Variants in ITGA1 observed in about 807,000 individuals in gnomAD.
ITGA1 encodes integrin alpha-1.
ITGA1 carries 85 observed loss-of-function variants against 145.9 expected under a neutral mutation model. The observed-to-expected ratio is 0.58, with a 90% CI of 0.49 to 0.70. ITGA1 has a LOEUF of 0.70. Among genes scored for constraint, ITGA1 ranks in the 30% least tolerant of loss-of-function variants. The pLI is 0.00. For synonymous variants in ITGA1, 520 were observed against 495.3 expected (o/e 1.05, Z -0.66); for missense variants, 1,351 against 1,418.7 (o/e 0.95, Z 0.77).
At chr5:52,910,025 C>G in intron 13 of ITGA1, 137 bp from the exon 14 acceptor site, 3 of 818,222 alleles carry the variant, frequency 3.7e-6, no homozygotes, top group Non-Finnish European at 5.8e-6. Context: ...GATAGGCACA[C>G]TTTTTAAGAA....
At chr5:52,797,977 A>G (rs1580024620) in intron 1 of ITGA1, among the ~76,000 whole-genome samples, 1 of 152,356 alleles carries the variant, frequency 6.6e-6, no homozygotes, top group Admixed American at 6.5e-5. Context: ...GTACTTAGAA[A>G]GATGATCAAG....
chr5:52,922,931 A>G lies in ITGA1; in HGVS notation c.2403+44A>G, dbSNP rs1174308962. ...AAATACAAAATACCAACTTGTGAAC[A>G]TTTTAATGTCACTAGTAAACTGTGT... On this transcript the variant is annotated intron_variant, in intron 18 of 28. Transcript: ENST00000282588. 2.7e-6 allele frequency: 3 copies of G among 1,115,542 alleles called. No individual in the cohort carries two copies. The African/African-American group carries it at 4.6e-5, about 17-fold the overall frequency. The allele number at this position is 1,115,542 out of a possible 1,614,324, so 69.1% of individuals were successfully genotyped here.
intron 28 of ITGA1, among the ~76,000 whole-genome samples, chr5:52,949,826 A>T (rs1751191524): frequency 6.6e-6 from 1 of 152,202 alleles, no homozygotes; most frequent in African/African-American, 2.4e-5. Flanking sequence ...CAGTTGCAGT[A>T]GGTTCAGAAG....
At chr5:52,878,154 G>A (rs1202542974) in intron 6 of ITGA1, among the ~76,000 whole-genome samples, 1 of 152,110 alleles carries the variant, frequency 6.6e-6, no homozygotes, top group African/African-American at 2.4e-5. Context: ...GAGGACGGGG[G>A]ACTCCCAGAC....
chr5:52,800,896 C>T (rs752854138), intron 1 of ITGA1: 1 of 1,613,578 alleles, frequency 6.2e-7, no homozygotes, highest in South Asian at 1.1e-5. Flanking sequence ...GGTGAACATC[C>T]CTAGGAAAAG....
intron 1 of ITGA1, among the ~76,000 whole-genome samples, chr5:52,831,948 T>G (rs1418795235): frequency 6.6e-6 from 1 of 152,098 alleles, no homozygotes; most frequent in Non-Finnish European, 1.5e-5. Flanking sequence ...AAACAATGAG[T>G]CATGTCTTTG....
intron 8 of ITGA1, among the ~76,000 whole-genome samples, chr5:52,888,606 C>T (rs527580334): frequency 1.3e-5 from 2 of 152,286 alleles, no homozygotes; most frequent in South Asian, 2.1e-4. Context: ...TGGTATAGAC[C>T]TTTCGACCTA....
At chr5:52,889,001 T>C (rs1412510515) in intron 8 of ITGA1, among the ~76,000 whole-genome samples, 1 of 152,212 alleles carries the variant, frequency 6.6e-6, no homozygotes, top group Non-Finnish European at 1.5e-5. Context: ...GCCTTCTCTC[T>C]AGTAAGGAAC....
chr5:52,909,082 T>C, intron 13 of ITGA1, 41 bp downstream of exon 13: 3 of 1,564,668 alleles, frequency 1.9e-6, no homozygotes, highest in Non-Finnish European at 2.6e-6. Flanking sequence ...GGAAAATCTC[T>C]TCCTTCTCTT....
chr5:52,892,539 G>T (rs981370952), intron 8 of ITGA1, among the ~76,000 whole-genome samples: 12 of 152,152 alleles, frequency 7.9e-5, no homozygotes, highest in Admixed American at 2.0e-4. Flanking sequence ...CTATTACAGA[G>T]ACCTACATGT....
intron 15 of ITGA1, among the ~76,000 whole-genome samples, chr5:52,915,990 C>G (rs1398396961): frequency 6.6e-6 from 1 of 152,118 alleles, no homozygotes; most frequent in Non-Finnish European, 1.5e-5. Context: ...CAGATAATCG[C>G]GTAGCACTCT....
rs117332613 is a variant in ITGA1 at position 52,878,464 on chromosome 5, A to G, written c.625-3409A>G. On this transcript the variant is annotated intron_variant, in intron 6 of 28. Coordinates refer to ENST00000282588, the MANE Select transcript of ITGA1 (RefSeq NM_181501.2). Reference sequence around the variant, plus strand: ...TGAAGATAATTTTTCCGGACAATCCAATGGTTCATAGTAGGTTCTTTAAGA... The same window carrying G: ...TGAAGATAATTTTTCCGGACAATCCGATGGTTCATAGTAGGTTCTTTAAGA... Among the ~76,000 whole-genome samples, 683 of 152,318 alleles carry G rather than the reference A, an allele frequency of 4.5e-3. 12 individuals carry two copies. In the East Asian group the frequency reaches 0.057, roughly 13 times the overall value.
At chr5:52,874,586 G>C (rs1749836005) in intron 6 of ITGA1, among the ~76,000 whole-genome samples, 1 of 151,994 alleles carries the variant, frequency 6.6e-6, no homozygotes, top group African/African-American at 2.4e-5. Context: ...TTCCTTTCAT[G>C]TTCACACACT....
chr5:52,826,960 G>A (rs146858655), intron 1 of ITGA1, among the ~76,000 whole-genome samples: 6 of 152,032 alleles, frequency 3.9e-5, no homozygotes, highest in South Asian at 2.1e-4. Context: ...TGACTTTCAC[G>A]TCTCATTATT....
intron 1 of ITGA1, chr5:52,801,697 A>C: frequency 1.2e-6 from 2 of 1,614,164 alleles, no homozygotes; most frequent in Non-Finnish European, 1.7e-6. Context: ...TGTGAAAGAG[A>C]ATGCAGGCAC....
At position 52,932,027 on chromosome 5, in the gene ITGA1, A is replaced by G; in HGVS notation, c.2772-20A>G. On this transcript the variant is annotated intron_variant, in intron 21 of 28. Coordinates refer to ENST00000282588, the MANE Select transcript of ITGA1 (RefSeq NM_181501.2). ...GTCAAGATTTTAATGGTTTGTCTGA[A>G]TGTGCCGTGTATTTTCTAGTGACAG... 1 of 1,420,066 alleles carries G rather than the reference A, an allele frequency of 7.0e-7. No homozygotes were observed. The highest frequency in any genetic ancestry group is 1.0e-6 in the Non-Finnish European group (1 of 1,004,874). The allele number at this position is 1,420,066 out of a possible 1,614,324, so 88.0% of individuals were successfully genotyped here.
At chr5:52,848,977 T>C (rs1432628472) in intron 1 of ITGA1, among the ~76,000 whole-genome samples, 4 of 152,172 alleles carry the variant, frequency 2.6e-5, no homozygotes, top group African/African-American at 4.8e-5. Flanking sequence ...CAGTCTATCG[T>C]TGATGGACAT....
At chr5:52,821,348 T>G (rs376918091) in intron 1 of ITGA1, among the ~76,000 whole-genome samples, 1 of 152,184 alleles carries the variant, frequency 6.6e-6, no homozygotes, top group Admixed American at 6.5e-5. Flanking sequence ...CAAAAAAGTA[T>G]GTTTTTAGAC....
At chr5:52,941,364 G>A (rs538570383) in intron 26 of ITGA1, among the ~76,000 whole-genome samples, 1 of 152,266 alleles carries the variant, frequency 6.6e-6, no homozygotes, top group South Asian at 2.1e-4. Flanking sequence ...GCTTTCCACT[G>A]GCTGAACTAA....
Sources: gnomAD v4.1 joint callset for allele counts (sites outside exome capture counted in the v4.1 genomes callset) on GRCh38, gnomAD v4.1.1 for gene constraint, MANE v1.5 for transcripts, NCBI Gene and HGNC (gene_info 2026-07-23, HGNC 2026-07-21) for gene names.